Variants in PUM2 observed in about 807,000 individuals in gnomAD.
PUM2 encodes pumilio homolog 2.
Under a neutral mutation model 124.5 loss-of-function variants are expected in PUM2, and 57 were observed. The ratio of observed to expected loss-of-function variants is 0.46; its 90% confidence interval spans 0.37 to 0.57. The LOEUF is 0.57. Ranked by LOEUF, PUM2 falls within the 20% of genes least tolerant of loss-of-function variation. The pLI is 0.00. For missense variants in PUM2, 1,065 were observed against 1,290.6 expected, an observed-to-expected ratio of 0.83 and a Z score of 2.68; for synonymous variants, 460 against 446.1, an observed-to-expected ratio of 1.03 and a Z score of -0.39.
intron 2 of PUM2, among the ~76,000 whole-genome samples, chr2:20,322,467 G>T (rs117934109): frequency 6.6e-6 from 1 of 151,804 alleles, no homozygotes; most frequent in Non-Finnish European, 1.5e-5. Context: ...TAAATTAGCC[G>T]GGTGTGGTGG....
chr2:20,255,056 A>T, intron 18 of PUM2, 72 bp from the exon 19 acceptor site: 2 of 1,533,094 alleles, frequency 1.3e-6, no homozygotes, highest in Non-Finnish European at 1.8e-6. Flanking sequence ...AGACATGTTA[A>T]TCATTTCATC....
intron 5 of PUM2, among the ~76,000 whole-genome samples, chr2:20,309,036 C>T (rs529903659): frequency 6.6e-6 from 1 of 152,220 alleles, no homozygotes; most frequent in African/African-American, 2.4e-5. Flanking sequence ...CCATAACATC[C>T]TGCTTAATAA....
At chr2:20,307,857 T>C in intron 7 of PUM2, 121 bp downstream of exon 7, 1 of 1,312,580 alleles carries the variant, frequency 7.6e-7, no homozygotes. Context: ...TACAACCTAT[T>C]ACTTGTTGAT....
At chr2:20,339,867 C>T (rs1006597392) in intron 1 of PUM2, among the ~76,000 whole-genome samples, 2 of 152,098 alleles carry the variant, frequency 1.3e-5, no homozygotes, top group African/African-American at 4.8e-5. Context: ...TGTACTCCAG[C>T]CTGGGCGATG....
chr2:20,285,435 G>C (rs1192969103), intron 10 of PUM2, among the ~76,000 whole-genome samples: 1 of 152,166 alleles, frequency 6.6e-6, no homozygotes, highest in Non-Finnish European at 1.5e-5. Context: ...CCCACAACAT[G>C]ATCTGGTTGG....
intron 10 of PUM2, among the ~76,000 whole-genome samples, chr2:20,285,034 T>G (rs2148924326): frequency 6.6e-6 from 1 of 152,338 alleles, no homozygotes; most frequent in East Asian, 1.9e-4. Context: ...ACATTGTCAT[T>G]TACTTAACAT....
chr2:20,291,079 A>G (rs537681084), intron 9 of PUM2, among the ~76,000 whole-genome samples: 297 of 151,928 alleles, frequency 2.0e-3, no homozygotes, highest in Non-Finnish European at 3.5e-3. Flanking sequence ...AGTTTAAAAA[A>G]TAATAATAAT....
chr2:20,338,873 G>C (rs963388761), intron 1 of PUM2, among the ~76,000 whole-genome samples: 3 of 152,130 alleles, frequency 2.0e-5, no homozygotes, highest in African/African-American at 7.2e-5. Context: ...GTCGCACCTA[G>C]AAAAAGGATA....
At chr2:20,299,267 AGAG>A (rs1676381933) in intron 7 of PUM2, among the ~76,000 whole-genome samples, 1 of 152,144 alleles carries the variant, frequency 6.6e-6, no homozygotes, top group Admixed American at 6.5e-5. Context: ...GAACTGAATT[AGAG>A]GACACCCAGC....
At chr2:20,268,255 G>A (rs540072677) in intron 13 of PUM2, among the ~76,000 whole-genome samples, 3 of 152,234 alleles carry the variant, frequency 2.0e-5, no homozygotes, top group East Asian at 3.8e-4. Flanking sequence ...TAATTAATTA[G>A]AATAAAAATA....
Position 20,251,130 on chromosome 2 carries a change from G to GA in PUM2, c.*454dup, listed in dbSNP as rs914392349. 6.6e-6 allele frequency: 1 copy of GA among 152,536 alleles called. No homozygotes were observed. The highest frequency in any genetic ancestry group is 6.6e-5 in the Admixed American group (1 of 15,258). 9.4% of individuals were successfully genotyped at this position (152,536 alleles called of 1,614,324 possible). A position where few individuals can be genotyped will look rare whatever the true frequency, so the allele number is the denominator to read the frequency against. On this transcript the variant is annotated 3_prime_UTR_variant, in exon 21 of 21. Transcript: ENST00000361078. Reference sequence around the variant, plus strand: ...CTGTTATAAAAGGTTTCACGCAAAGGAAAAAAATAAGGACTATAATTCTAT... The same window carrying GA: ...CTGTTATAAAAGGTTTCACGCAAAGGAAAAAAAATAAGGACTATAATTCTAT...
At chr2:20,293,183 A>G (rs116020379) in intron 9 of PUM2, among the ~76,000 whole-genome samples, 3,480 of 152,326 alleles carry the variant, frequency 0.023, 59 homozygotes, top group Non-Finnish European at 0.033. Context: ...TGTTGTAGCA[A>G]TCATACATAA....
chr2:20,297,668 G>A lies in PUM2; in HGVS notation c.894C>T (p.Phe298=), dbSNP rs756232898. 14 of 1,609,642 alleles carry A rather than the reference G, an allele frequency of 8.7e-6. No individual in the cohort carries two copies. The highest frequency in any genetic ancestry group is 8.5e-6 in the Non-Finnish European group (10 of 1,177,902). The part of the protein sequence containing the change: ...AAQQPHIAGV[F]SAGLAPAAFV... Reference sequence around the variant, plus strand: ...ATGCAGCTGGAGCAAGGCCTGCTGAGAATACACCAGCTATATTTTAAAAGG... The same window carrying A: ...ATGCAGCTGGAGCAAGGCCTGCTGAAAATACACCAGCTATATTTTAAAAGG... Residue 298 remains phenylalanine (F), a synonymous_variant, in exon 8 of 21, where the codon TTC becomes TTT. Transcript: ENST00000361078.
chr2:20,315,981 C>A (rs1411994123), intron 3 of PUM2, among the ~76,000 whole-genome samples: 1 of 152,000 alleles, frequency 6.6e-6, no homozygotes, highest in Admixed American at 6.6e-5. Flanking sequence ...ATGCTCTCAG[C>A]AAGAAATATG....
intron 2 of PUM2, among the ~76,000 whole-genome samples, chr2:20,325,648 G>A (rs1486208067): frequency 1.4e-5 from 2 of 148,058 alleles, no homozygotes; most frequent in Non-Finnish European, 3.0e-5. Flanking sequence ...TTGAGACGGA[G>A]TCTCGGTTTG....
rs1670203600 is a variant in PUM2 at position 20,276,152 on chromosome 2, CCCAAAA to C, written c.1957+2425_1957+2430del. 6.6e-5 allele frequency among the ~76,000 whole-genome samples: 10 copies of C among 151,882 alleles called. No individual in the cohort carries two copies. In the South Asian group the frequency reaches 1.9e-3, roughly 28 times the overall value. On this transcript the variant is annotated intron_variant, in intron 13 of 20. Transcript: ENST00000361078. The stretch of plus-strand genomic sequence containing the variant: ...TAGATTTTTATAAAAAAATTAACAC[CCCAAAA>C]CTATGCACTGAAATTCTTATACTTC...
chr2:20,269,536 T>C (rs1355101421), intron 13 of PUM2, among the ~76,000 whole-genome samples: 1 of 152,146 alleles, frequency 6.6e-6, no homozygotes, highest in African/African-American at 2.4e-5. Flanking sequence ...ACAATTTTAT[T>C]GGAGGAAAGA....
At chr2:20,300,928 A>C (rs1370154680) in intron 7 of PUM2, among the ~76,000 whole-genome samples, 1 of 152,220 alleles carries the variant, frequency 6.6e-6, no homozygotes, top group Non-Finnish European at 1.5e-5. Flanking sequence ...TCACCAAGCC[A>C]GACTAACACA....
At chr2:20,259,066 GA>G (rs1007545977) in intron 15 of PUM2, among the ~76,000 whole-genome samples, 6 of 152,062 alleles carry the variant, frequency 3.9e-5, no homozygotes, top group African/African-American at 1.2e-4. Flanking sequence ...TATGATTGAG[GA>G]AAAAACTGTT....
Sources: gnomAD v4.1 joint callset for allele counts (sites outside exome capture counted in the v4.1 genomes callset) on GRCh38, gnomAD v4.1.1 for gene constraint, MANE v1.5 for transcripts, NCBI Gene and HGNC (gene_info 2026-07-23, HGNC 2026-07-21) for gene names.